The following ADCY7 variants were observed in gnomAD, a reference collection of about 807,000 sequenced individuals.
The protein encoded by ADCY7 is adenylate cyclase type 7.
Under a neutral mutation model 120.6 loss-of-function variants are expected in ADCY7, and 72 were observed. That is an observed-to-expected ratio of 0.60 (90% CI 0.49 to 0.73). The LOEUF (loss-of-function observed/expected upper bound fraction) is 0.73, where lower values mean the gene tolerates loss of function less well. ADCY7 is among the 30% of genes least tolerant of loss of function. The pLI is 0.00. For synonymous variants in ADCY7, 661 were observed against 628.0 expected (o/e 1.05, Z -0.78); for missense variants, 1,227 against 1,486.0 (o/e 0.83, Z 2.87).
At chr16:50,272,000 C>A (rs928709828) in intron 1 of ADCY7, among the ~76,000 whole-genome samples, 1 of 152,176 alleles carries the variant, frequency 6.6e-6, no homozygotes, top group Non-Finnish European at 1.5e-5. Context: ...GAAGGGTGAA[C>A]CCACGACTGG....
At chr16:50,312,003 T>C (rs1489698585) in intron 20 of ADCY7, 33 bp from the exon 21 acceptor site, 1 of 1,612,196 alleles carries the variant, frequency 6.2e-7, no homozygotes, top group Admixed American at 1.7e-5. Context: ...CACTTGCCTG[T>C]GGACGGGGCG....
Position 50,311,702 on chromosome 16 carries a change from T to C in ADCY7, c.2364T>C (p.Pro788=). The part of the protein sequence containing the change: ...TKPNGTTSGT[P]SCSWKDLKTM... The stretch of plus-strand genomic sequence containing the variant: ...CTCCCTTCGCATTCAGTGGCACCCC[T>C]AGCTGTTCCTGGAAGGACCTGAAGA... Residue 788 remains proline, a synonymous_variant, in exon 20 of 26, where the codon CCT becomes CCC. Transcript: ENST00000673801. 1 of 1,611,458 alleles carries C rather than the reference T, an allele frequency of 6.2e-7. No individual in the cohort carries two copies. The highest frequency in any genetic ancestry group is 1.3e-5 in the African/African-American group (1 of 74,476).
chr16:50,297,292 G>A lies in ADCY7; in HGVS notation c.949-1612G>A, dbSNP rs564474104. ...TCAGAGGCATACAAGTCACACCTCC[G>A]CACAAGACCCAGCTCCCCAACTCCA... On this transcript the variant is annotated intron_variant, in intron 7 of 25. Coordinates refer to ENST00000673801, the MANE Select transcript of ADCY7 (RefSeq NM_001114.5). The surrounding 1 kb of genome is among the most constrained non-coding windows in gnomAD (Gnocchi z 4.4). Among the ~76,000 whole-genome samples, 6 of 152,262 alleles carry A rather than the reference G, an allele frequency of 3.9e-5. No homozygotes were observed. Among genetic ancestry groups the A allele is most frequent in the African/African-American group, 1.2e-4 (5 of 41,552 alleles).
In ADCY7 at chr16:50,301,109, A is replaced by C; in HGVS notation, c.1263A>C (p.Leu421=). The C allele has an allele frequency of 6.2e-7, 1 of 1,613,922 alleles. No individual in the cohort carries two copies. Residue 421 remains leucine (L), a synonymous_variant, in exon 10 of 26, where the codon CTA becomes CTC. Transcript: ENST00000673801. ...GGGTGCACATCACGGAGGCCACGCT[A>C]AAGCACCTGGACAAGGCGTACGAGG... is the stretch of plus-strand genomic sequence containing the variant. The part of the protein sequence containing the change: ...PGRVHITEAT[L]KHLDKAYEVE...
At chr16:50,252,761 AG>A (rs2032796230) in intron 1 of ADCY7, among the ~76,000 whole-genome samples, 1 of 152,176 alleles carries the variant, frequency 6.6e-6, no homozygotes, top group Non-Finnish European at 1.5e-5. Flanking sequence ...AGGAGGAAAA[AG>A]CTCGTTTCTT....
At chr16:50,262,414 G>A (rs2033083026), upstream of ADCY7, among the ~76,000 whole-genome samples, 1 of 151,986 alleles carries the variant, frequency 6.6e-6, no homozygotes, top group Non-Finnish European at 1.5e-5. Flanking sequence ...CCGCCACAAT[G>A]CCTGGCTAAT....
Position 50,282,675 on chromosome 16 carries a change from G to A in ADCY7, c.-268-5237G>A, listed in dbSNP as rs937227693. 8.6e-5 allele frequency among the ~76,000 whole-genome samples: 13 copies of A among 151,954 alleles called. No individual in the cohort carries two copies. In the East Asian group the frequency reaches 2.5e-3, roughly 29 times the overall value. On this transcript the variant is annotated intron_variant, in intron 1 of 25. Coordinates refer to ENST00000673801, the MANE Select transcript of ADCY7 (RefSeq NM_001114.5). Reference sequence around the variant, plus strand: ...ATTTCTGGATGCCAGCCCCATGAGGGTGATAGGGACCCCGGATATCCTGTG... The same window carrying A: ...ATTTCTGGATGCCAGCCCCATGAGGATGATAGGGACCCCGGATATCCTGTG...
chr16:50,257,862 C>A (rs1242616579), intron 1 of ADCY7, among the ~76,000 whole-genome samples: 1 of 151,876 alleles, frequency 6.6e-6, no homozygotes, highest in East Asian at 1.9e-4. Flanking sequence ...CCCACCTCAG[C>A]CTCCCTAATA....
intron 1 of ADCY7, among the ~76,000 whole-genome samples, chr16:50,247,481 C>T (rs900456984): frequency 2.0e-5 from 3 of 152,050 alleles, no homozygotes; most frequent in Admixed American, 6.5e-5. Flanking sequence ...CCCACCTCAG[C>T]CTCCCGAGTA....
intron 10 of ADCY7, 33 bp downstream of exon 10, chr16:50,301,247 A>T: frequency 6.5e-7 from 1 of 1,546,244 alleles, no homozygotes; most frequent in Non-Finnish European, 8.7e-7. Context: ...GCTGGGGGGG[A>T]CCCGGAGGGA....
intron 1 of ADCY7, among the ~76,000 whole-genome samples, chr16:50,250,433 G>A (rs2032720946): frequency 6.7e-6 from 1 of 149,726 alleles, no homozygotes; most frequent in Non-Finnish European, 1.5e-5. Flanking sequence ...CTCCAGCCTG[G>A]GGGACAAAGC....
upstream of ADCY7, among the ~76,000 whole-genome samples, chr16:50,263,549 G>A (rs574374952): frequency 6.6e-6 from 1 of 152,236 alleles, no homozygotes; most frequent in African/African-American, 2.4e-5. Flanking sequence ...TACAGCCTCT[G>A]CTGTATGGCC....
At chr16:50,252,963 A>G (rs1195981063) in intron 1 of ADCY7, among the ~76,000 whole-genome samples, 2 of 152,206 alleles carry the variant, frequency 1.3e-5, no homozygotes, top group East Asian at 3.8e-4. Flanking sequence ...CAAGAAAAAA[A>G]GTTGAGCATT....
chr16:50,312,941 C>T lies in ADCY7; in HGVS notation c.2656C>T (p.Pro886Ser), dbSNP rs1413851812. 6.2e-7 allele frequency: 1 copy of T among 1,614,134 alleles called. No homozygotes were observed. Among genetic ancestry groups the T allele is most frequent in the Non-Finnish European group, 8.5e-7 (1 of 1,180,014 alleles). Residue 886 changes from proline (P) to serine (S), a missense_variant, in exon 22 of 26, where the codon CCG becomes TCG. By Grantham distance (74) the Pro-to-Ser change is moderately conservative. Coordinates refer to ENST00000673801, the MANE Select transcript of ADCY7 (RefSeq NM_001114.5). ...CGTCTGTGTCATGTTTGCCTCCGTG[C>T]CGGACTTCAAAGTGTTCTACACAGA... ...DCVCVMFASV[P>S]DFKVFYTECD...
rs534655204 is a variant in ADCY7 at position 50,316,843 on chromosome 16, C to T, written c.*1338C>T. 2.6e-5 allele frequency: 4 copies of T among 152,408 alleles called. No individual in the cohort carries two copies. The highest frequency in any genetic ancestry group is 4.8e-5 in the African/African-American group (2 of 41,554). 9.4% of individuals were successfully genotyped at this position (152,408 alleles called of 1,614,324 possible). On this transcript the variant is annotated 3_prime_UTR_variant, in exon 26 of 26. Transcript: ENST00000673801. ...ACCGGTGGCCTCATCACCAGAGCAT[C>T]GCCAGGATTTCTAATGCACTCAGTT...
intron 1 of ADCY7, among the ~76,000 whole-genome samples, chr16:50,282,226 G>C (rs2034318923): frequency 6.6e-6 from 1 of 152,210 alleles, no homozygotes; most frequent in South Asian, 2.1e-4. Flanking sequence ...GTGAAAGCTG[G>C]GGGTTTCTAG....
chr16:50,317,256 G>A lies in ADCY7; in HGVS notation c.*1751G>A, dbSNP rs894758624. ...TATAAAGGAATTTCATGGCAACAAT[G>A]CTGGTAAGGGCAATTAGCCTCGCTT... On this transcript the variant is annotated 3_prime_UTR_variant, in exon 26 of 26. Coordinates refer to ENST00000673801, the MANE Select transcript of ADCY7 (RefSeq NM_001114.5). 5.9e-5 allele frequency: 9 copies of A among 152,766 alleles called. No individual in the cohort carries two copies. 9.5% of individuals were successfully genotyped at this position (152,766 alleles called of 1,614,324 possible).
chr16:50,290,341 C>A, intron 2 of ADCY7, 116 bp from the exon 3 acceptor site: 1 of 1,140,072 alleles, frequency 8.8e-7, no homozygotes, highest in Non-Finnish European at 1.3e-6. Flanking sequence ...AGGGTGCATC[C>A]ACACCCTTCA....
rs376030413 is a variant in ADCY7, at chr16:50,312,123, C to T, written c.2536C>T (p.Arg846Cys). Residue 846 changes from arginine (R) to cysteine (C), a missense_variant, in exon 21 of 26, where the codon CGC (arginine) becomes TGC (cysteine). This residue lies in a region of ADCY7 where 244 missense variants were observed against 332.8 expected (regional missense o/e 0.73). Transcript: ENST00000673801. ...GTTTGAGACCATGGAGAACGTGAAC[C>T]GCCTTCTTCTGGAGAACGTCCTGCC... The part of the protein sequence containing the change: ...EEFETMENVN[R>C]LLLENVLPAH... The T allele has an allele frequency of 9.9e-6, 16 of 1,614,208 alleles. No individual in the cohort carries two copies. Among genetic ancestry groups the T allele is most frequent in the Middle Eastern group, 1.6e-4 (1 of 6,062 alleles).
Sources: gnomAD v4.1 joint callset for allele counts (sites outside exome capture counted in the v4.1 genomes callset) on GRCh38, gnomAD v4.1.1 for gene constraint, gnomAD v4.1.1 regional missense constraint, Gnocchi (gnomAD v3.1) non-coding constraint, MANE v1.5 for transcripts, NCBI Gene and HGNC (gene_info 2026-07-23, HGNC 2026-07-21) for gene names.